The following ZFHX3 variants were observed in gnomAD, a reference collection of about 807,000 sequenced individuals.
ZFHX3 encodes zinc finger homeobox protein 3.
In ZFHX3, 42 loss-of-function variants were observed where a neutral mutation model predicts 279.1. The ratio of observed to expected loss-of-function variants is 0.15; its 90% CI spans 0.12 to 0.19. ZFHX3 has a LOEUF of 0.19. ZFHX3 is among the 10% of genes least tolerant of loss of function. ZFHX3 has a pLI of 1.00. For synonymous variants in ZFHX3, 2,293 were observed against 1,957.8 expected (o/e 1.17, Z -4.52); for missense variants, 4,981 against 4,754.0 (o/e 1.05, Z -1.40).
At chr16:73,479,106 G>C (rs147943550) in intron 2 of ZFHX3, among the ~76,000 whole-genome samples, 143 of 152,244 alleles carry the variant, frequency 9.4e-4, no homozygotes, top group Middle Eastern at 3.4e-3. Context: ...AAAAGACTGT[G>C]CTAGAGCCTG....
At chr16:73,177,177 A>G (rs74719580) in intron 5 of ZFHX3, among the ~76,000 whole-genome samples, 3 of 81,918 alleles carry the variant, frequency 3.7e-5, no homozygotes, top group Admixed American at 1.7e-4. Flanking sequence ...CAACCAGCCA[A>G]CCAACCAACC....
chr16:73,562,547 G>A (rs961477032), intron 2 of ZFHX3, among the ~76,000 whole-genome samples: 2 of 145,694 alleles, frequency 1.4e-5, no homozygotes, highest in Non-Finnish European at 3.0e-5. Context: ...AGTGACCCGA[G>A]ATGGCGCCAC....
intron 5 of ZFHX3, among the ~76,000 whole-genome samples, chr16:72,824,764 C>A (rs2143693503): frequency 6.6e-6 from 1 of 152,318 alleles, no homozygotes; most frequent in South Asian, 2.1e-4. Context: ...TAACTTATTG[C>A]AAATAATGAT....
chr16:73,745,372 T>G (rs1470339385), intron 1 of ZFHX3, among the ~76,000 whole-genome samples: 1 of 152,148 alleles, frequency 6.6e-6, no homozygotes, highest in Non-Finnish European at 1.5e-5. Flanking sequence ...AGTTTAAGAT[T>G]ACCTTTTCTT....
At position 72,920,482 on chromosome 16, in the gene ZFHX3, C is replaced by T. The variant is rs1454154297; in HGVS notation, c.3216+29987G>A. Among the ~76,000 whole-genome samples, 5 of 151,218 alleles carry T rather than the reference C, an allele frequency of 3.3e-5. No individual in the cohort carries two copies. The South Asian group carries it at 1.0e-3, about 32-fold the overall frequency. ...ATCACCTGAGGTCAGAAGTTCGAGACCAGCCTGGCCAACATGGCGAAACCC... is the reference window on the plus strand; with the variant it reads ...ATCACCTGAGGTCAGAAGTTCGAGATCAGCCTGGCCAACATGGCGAAACCC... On this transcript the variant is annotated intron_variant, in intron 3 of 9. Coordinates refer to ENST00000268489, the MANE Select transcript of ZFHX3 (RefSeq NM_006885.4).
chr16:72,990,913 G>A (rs151119826), intron 1 of ZFHX3, among the ~76,000 whole-genome samples: 1,604 of 152,186 alleles, frequency 0.011, 16 homozygotes, highest in African/African-American at 0.03. Flanking sequence ...TCGGGAGGCG[G>A]AGGTTGCAGT....
At chr16:73,218,179 G>C (rs1175564116) in intron 5 of ZFHX3, among the ~76,000 whole-genome samples, 2 of 152,148 alleles carry the variant, frequency 1.3e-5, no homozygotes, top group Non-Finnish European at 2.9e-5. Context: ...ACATTAGGAG[G>C]CTAGAGACAG....
chr16:73,135,226 T>A (rs1168780832), intron 6 of ZFHX3, among the ~76,000 whole-genome samples: 3 of 152,224 alleles, frequency 2.0e-5, no homozygotes, highest in Admixed American at 6.5e-5. Flanking sequence ...ATACTTTCTA[T>A]GCATCTATCC....
At chr16:73,709,991 G>C (rs1462982662) in intron 1 of ZFHX3, among the ~76,000 whole-genome samples, 1 of 151,396 alleles carries the variant, frequency 6.6e-6, no homozygotes. Context: ...AGACCAGTCT[G>C]GCCAACATGG....
chr16:73,590,589 T>C (rs909682017), intron 2 of ZFHX3, among the ~76,000 whole-genome samples: 1 of 152,232 alleles, frequency 6.6e-6, no homozygotes, highest in Admixed American at 6.5e-5. Flanking sequence ...CTAGCCATCA[T>C]TAGAATATTC....
rs115172400 is a variant in ZFHX3, at chr16:73,314,499, A to G, written c.-1194+3741T>C. On this transcript the variant is annotated intron_variant, in intron 4 of 17. Transcript: ENST00000641206. ...CAAAGTCACATGACTAATAAATGGCAGAGCCGGGATGGAAACTCCAACCAC... is the reference window on the plus strand; with the variant it reads ...CAAAGTCACATGACTAATAAATGGCGGAGCCGGGATGGAAACTCCAACCAC... Among the ~76,000 whole-genome samples, 556 of 152,346 alleles carry G rather than the reference A, an allele frequency of 3.6e-3. 1 individual carries two copies. Among genetic ancestry groups the G allele is most frequent in the African/African-American group, 0.013 (523 of 41,576 alleles).
At chr16:73,783,955 C>G (rs1325348085) in intron 1 of ZFHX3, among the ~76,000 whole-genome samples, 2 of 152,034 alleles carry the variant, frequency 1.3e-5, no homozygotes, top group African/African-American at 4.8e-5. Context: ...GAACAGGAAC[C>G]TGTCAAACCC....
chr16:73,040,761 G>C (rs918967331), intron 1 of ZFHX3, among the ~76,000 whole-genome samples: 3 of 152,230 alleles, frequency 2.0e-5, no homozygotes, highest in Non-Finnish European at 4.4e-5. Context: ...AATGAAAAGG[G>C]CGTGGAGATG....
upstream of ZFHX3, among the ~76,000 whole-genome samples, chr16:73,049,524 T>C (rs572363496): frequency 6.6e-6 from 1 of 152,212 alleles, no homozygotes; most frequent in South Asian, 2.1e-4. Flanking sequence ...AATGTAAGTA[T>C]CTAACCTGTT....
chr16:73,750,694 C>T (rs1021688584), intron 1 of ZFHX3, among the ~76,000 whole-genome samples: 3 of 152,102 alleles, frequency 2.0e-5, no homozygotes, highest in Admixed American at 2.0e-4. Flanking sequence ...ATTCTCTGAG[C>T]TAGTAAAATT....
intron 1 of ZFHX3, among the ~76,000 whole-genome samples, chr16:73,720,885 T>C (rs1204238366): frequency 6.6e-6 from 1 of 152,342 alleles, no homozygotes; most frequent in African/African-American, 2.4e-5. Context: ...ATTATTTATC[T>C]GTTGTCCTTC....
At chr16:73,812,884 A>C (rs1025286966) in intron 1 of ZFHX3, among the ~76,000 whole-genome samples, 1 of 152,230 alleles carries the variant, frequency 6.6e-6, no homozygotes, top group African/African-American at 2.4e-5. Context: ...TAATCTCCTT[A>C]TGCCTGTTAA....
chr16:73,820,689 T>C (rs545570569), intron 1 of ZFHX3, among the ~76,000 whole-genome samples: 11 of 152,122 alleles, frequency 7.2e-5, no homozygotes, highest in South Asian at 2.1e-4. Flanking sequence ...TCATGAGAGA[T>C]ATATAATAAT....
chr16:73,195,047 G>A (rs1206389441), intron 5 of ZFHX3, among the ~76,000 whole-genome samples: 1 of 152,166 alleles, frequency 6.6e-6, no homozygotes, highest in Non-Finnish European at 1.5e-5. Flanking sequence ...ACCCACAAGA[G>A]TTTCATTTTC....
Sources: gnomAD v4.1 joint callset for allele counts (sites outside exome capture counted in the v4.1 genomes callset) on GRCh38, gnomAD v4.1.1 for gene constraint, MANE v1.5 for transcripts, NCBI Gene and HGNC (gene_info 2026-07-23, HGNC 2026-07-21) for gene names.